The following CD99L2 variants were observed in gnomAD, a reference collection of about 807,000 sequenced individuals.
CD99L2 encodes CD99 molecule like 2, also known as CD99 antigen-like protein 2.
A neutral mutation model predicts 27.3 loss-of-function variants in CD99L2; 24 were observed. That is an observed-to-expected ratio of 0.88 (90% CI 0.64 to 1.24). The LOEUF (loss-of-function observed/expected upper bound fraction) is 1.24, where lower values mean the gene tolerates loss of function less well. Among genes scored for constraint, CD99L2 ranks in the 50% most tolerant of loss-of-function variants. The probability of loss-of-function intolerance (pLI) is 0.00; values close to 1 mark genes in which losing one functional copy is unlikely to be tolerated. For missense variants in CD99L2, 255 were observed against 221.6 expected (o/e 1.15, Z -0.96); for synonymous variants, 97 against 87.9 (o/e 1.10, Z -0.58).
chrX:150,793,889 A>T, intron 6 of CD99L2, 133 bp from the exon 7 acceptor site: 1 of 473,505 alleles, frequency 2.1e-6, no homozygotes, highest in Non-Finnish European at 3.4e-6. Flanking sequence ...AAATTCTAAG[A>T]GGTCCCCCCA....
rs41311690 is a variant in CD99L2 at position 150,768,931 on chromosome X, T to C, written c.*103A>G. On this transcript the variant is annotated 3_prime_UTR_variant, in exon 11 of 11. Coordinates refer to ENST00000370377, the MANE Select transcript of CD99L2 (RefSeq NM_031462.4). ...GAAACTCAGACCAACAAGGAGCCGA[T>C]GGCACAGAGCAGCACAGCAGCTGCG... 169,448 of 1,068,982 alleles carry C rather than the reference T, an allele frequency of 0.16. 9,716 individuals are homozygous for C. Among genetic ancestry groups the C allele is most frequent in the African/African-American group, 0.2 (10,052 of 50,613 alleles). The allele number at this position is 1,068,982 out of a possible 1,213,427, so 88.1% of individuals were successfully genotyped here. A position where few individuals can be genotyped will look rare whatever the true frequency, so the allele number is the denominator to read the frequency against.
chrX:150,787,677 T>C (rs942078181), intron 7 of CD99L2, among the ~76,000 whole-genome samples: 1 of 93,976 alleles, frequency 1.1e-5, no homozygotes, highest in African/African-American at 4.1e-5. Flanking sequence ...TTCTCACTCA[T>C]AGGTGGGAAC....
intron 1 of CD99L2, among the ~76,000 whole-genome samples, chrX:150,879,076 G>T (rs1557422410): frequency 2.7e-5 from 3 of 111,792 alleles, no homozygotes; most frequent in Non-Finnish European, 1.9e-5. Context: ...AGAGGTCACT[G>T]GTATCAATGA....
chrX:150,870,173 C>G (rs1215851241), intron 1 of CD99L2, among the ~76,000 whole-genome samples: 1 of 109,226 alleles, frequency 9.2e-6, no homozygotes, highest in Non-Finnish European at 1.9e-5. Context: ...CAACCCCACC[C>G]TCTCTGGCTA....
chrX:150,848,122 C>G (rs987096127), intron 1 of CD99L2, among the ~76,000 whole-genome samples: 2 of 107,517 alleles, frequency 1.9e-5, no homozygotes, highest in Non-Finnish European at 3.9e-5. Context: ...CCCCCCCCCC[C>G]TTGTACTATA....
At chrX:150,846,437 C>G (rs186034551) in intron 1 of CD99L2, among the ~76,000 whole-genome samples, 1 of 111,095 alleles carries the variant, frequency 9.0e-6, no homozygotes, top group Admixed American at 9.6e-5. Flanking sequence ...AGGGACTTAA[C>G]AGCGCTATAC....
chrX:150,768,195 G>T lies in CD99L2; in HGVS notation c.*839C>A. The T allele has an allele frequency of 8.8e-6, 1 of 113,652 alleles. No homozygotes were observed. The allele number at this position is 113,652 out of a possible 1,213,427, so 9.4% of individuals were successfully genotyped here. On this transcript the variant is annotated 3_prime_UTR_variant, in exon 11 of 11. Coordinates refer to ENST00000370377, the MANE Select transcript of CD99L2 (RefSeq NM_031462.4). ...ACCAAAACAGGGACACAGGGTGGAG[G>T]GTGAGCACCTCTCCCCAACACAGGA...
chrX:150,888,112 C>T (rs1346682697), intron 1 of CD99L2, among the ~76,000 whole-genome samples: 6 of 111,960 alleles, frequency 5.4e-5, no homozygotes, highest in African/African-American at 9.8e-5. Context: ...TGACTCATAA[C>T]CTATGGAATT....
At chrX:150,852,251 T>C (rs1482963778) in intron 1 of CD99L2, among the ~76,000 whole-genome samples, 3 of 111,356 alleles carry the variant, frequency 2.7e-5, no homozygotes, top group African/African-American at 9.8e-5. Flanking sequence ...GAGACTTGTT[T>C]GTAGGAGGCC....
chrX:150,842,420 A>T (rs1213192182), intron 1 of CD99L2, among the ~76,000 whole-genome samples: 1 of 112,011 alleles, frequency 8.9e-6, no homozygotes, highest in African/African-American at 3.3e-5. Context: ...GCTGTAAAAC[A>T]AGGCACAGCT....
At chrX:150,853,115 C>A (rs1263757105) in intron 1 of CD99L2, among the ~76,000 whole-genome samples, 1 of 111,763 alleles carries the variant, frequency 8.9e-6, no homozygotes, top group Non-Finnish European at 1.9e-5. Flanking sequence ...CCCCACCATT[C>A]ACAGCCACTT....
At chrX:150,798,801 T>G (rs2045855420) in intron 4 of CD99L2, among the ~76,000 whole-genome samples, 1 of 112,454 alleles carries the variant, frequency 8.9e-6, no homozygotes, top group African/African-American at 3.2e-5. Flanking sequence ...CTGGCTGGAG[T>G]GCAGTGGCAC....
intron 7 of CD99L2, among the ~76,000 whole-genome samples, chrX:150,790,033 C>G (rs1225467463): frequency 9.0e-6 from 1 of 111,692 alleles, no homozygotes; most frequent in Non-Finnish European, 1.9e-5. Flanking sequence ...AACTACCAAG[C>G]TATGAAAAAA....
intron 4 of CD99L2, among the ~76,000 whole-genome samples, chrX:150,804,235 A>G (rs782401213): frequency 2.7e-5 from 3 of 112,449 alleles, no homozygotes; most frequent in Non-Finnish European, 5.6e-5. Context: ...ATGGTACAAA[A>G]CTAGAAGTTT....
rs184933347 is a variant in CD99L2, at chrX:150,851,787, A to G, written c.68-20494T>C. Among the ~76,000 whole-genome samples the G allele has an allele frequency of 5.4e-5, 6 of 110,977 alleles. No homozygotes were observed. In the East Asian group the frequency reaches 1.7e-3, roughly 32 times the overall value. On this transcript the variant is annotated intron_variant, in intron 1 of 10. Transcript: ENST00000370377. ...CCATTTTCAAAGTATATCACTCCAA[A>G]CCCTGCTTCTATAATCACATCTACC...
At chrX:150,818,201 G>T (rs868979986) in intron 2 of CD99L2, among the ~76,000 whole-genome samples, 99 of 86,262 alleles carry the variant, frequency 1.1e-3, no homozygotes, top group African/African-American at 3.8e-3. Context: ...CAAGTAGGCA[G>T]ATATATATAT....
chrX:150,784,282 G>C (rs2045561655), intron 7 of CD99L2, among the ~76,000 whole-genome samples: 1 of 110,670 alleles, frequency 9.0e-6, no homozygotes, highest in Non-Finnish European at 1.9e-5. Flanking sequence ...TCCCCTCCGG[G>C]TTCTTTACCA....
chrX:150,822,929 G>A (rs1204799093), intron 2 of CD99L2, among the ~76,000 whole-genome samples: 2 of 111,976 alleles, frequency 1.8e-5, no homozygotes, highest in Admixed American at 9.4e-5. Flanking sequence ...GGACCCAGTG[G>A]GAGGTAATTG....
At chrX:150,862,637 G>A (rs958293449) in intron 1 of CD99L2, among the ~76,000 whole-genome samples, 1 of 111,847 alleles carries the variant, frequency 8.9e-6, no homozygotes, top group Admixed American at 9.5e-5. Flanking sequence ...AGCCCTAGGA[G>A]ACTGCTGGTC....
Sources: allele counts gnomAD v4.1 joint callset (sites outside exome capture counted in the v4.1 genomes callset), GRCh38; gene constraint gnomAD v4.1.1; transcripts MANE v1.5; gene names NCBI Gene and HGNC (gene_info 2026-07-23, HGNC 2026-07-21).